NR3C1: variants seen among roughly 807,000 people sequenced by gnomAD.
NR3C1 encodes the protein glucocorticoid receptor.
In NR3C1, 14 loss-of-function variants were observed where a neutral mutation model predicts 74.0. That is an observed-to-expected ratio of 0.19 (90% confidence interval 0.12 to 0.30). The LOEUF is 0.30. NR3C1 is among the 10% of genes least tolerant of loss of function. The pLI is 1.00. For synonymous variants in NR3C1, 308 were observed against 332.5 expected (o/e 0.93, Z 0.80); for missense variants, 695 against 909.8 (o/e 0.76, Z 3.04).
chr5:143,320,109 TG>T (rs1343725551), intron 2 of NR3C1, among the ~76,000 whole-genome samples: 1 of 152,194 alleles, frequency 6.6e-6, no homozygotes, highest in Non-Finnish European at 1.5e-5. Flanking sequence ...ACACACCAGG[TG>T]ATTATATTTT....
At chr5:143,340,476 ATTTTTTTTTTTT>A (rs3074500) in intron 2 of NR3C1, among the ~76,000 whole-genome samples, 1 of 89,146 alleles carries the variant, frequency 1.1e-5, no homozygotes, top group African/African-American at 4.5e-5. Flanking sequence ...TTTAAAGATG[ATTTTTTTTTTTT>A]TTTTTTTTTT....
Position 143,400,518 on chromosome 5 carries a change from C to G in NR3C1, c.322G>C (p.Gly108Arg). 6.2e-7 allele frequency: 1 copy of G among 1,614,184 alleles called. No individual in the cohort carries two copies. Among genetic ancestry groups the G allele is most frequent in the Non-Finnish European group, 8.5e-7 (1 of 1,180,038 alleles). ...MGNDLGFPQQ[G>R]QISLSSGETD... Reference sequence around the variant, plus strand: ...TCCCCCGAGGAAAGGCTGATTTGGCCCTGCTGTGGGAATCCCAGGTCATTT... The same window carrying G: ...TCCCCCGAGGAAAGGCTGATTTGGCGCTGCTGTGGGAATCCCAGGTCATTT... The change falls in exon 2 of 9, where the codon GGC becomes CGC. Residue 108 changes from glycine (G) to arginine (R), a missense_variant. Physicochemically the swap from Gly to Arg is moderately radical, Grantham distance 125 (BLOSUM62 -2). This residue lies in a region of NR3C1 where 497 missense variants were observed against 489.5 expected (regional missense o/e 1.02). Transcript: ENST00000394464.
chr5:143,282,772 CTTTTCTTTTTTTTTTT>C (rs762093282), intron 7 of NR3C1, 47 bp from the exon 8 acceptor site: 68 of 1,453,062 alleles, frequency 4.7e-5, no homozygotes, highest in Non-Finnish European at 5.6e-5. Context: ...TTTTTCTTTT[CTTTTCTTTTTTTTTTT>C]TTTTTGAGAT....
upstream of NR3C1, chr5:143,403,733 C>G: frequency 1.0e-6 from 1 of 985,160 alleles, no homozygotes; most frequent in Non-Finnish European, 1.2e-6. Context: ...ACTCCACCCC[C>G]GGCCGCTCCC....
chr5:143,376,278 T>C (rs949917077), intron 2 of NR3C1, among the ~76,000 whole-genome samples: 10 of 152,212 alleles, frequency 6.6e-5, no homozygotes, highest in South Asian at 2.1e-4. Context: ...ACAAATGCAG[T>C]TGGAACCAAA....
intron 4 of NR3C1, among the ~76,000 whole-genome samples, chr5:143,303,033 T>TAG (rs1003923985): frequency 5.9e-5 from 9 of 152,000 alleles, no homozygotes; most frequent in Admixed American, 5.9e-4. Context: ...GATAGACCAC[T>TAG]AGCAAGATTA....
At chr5:143,368,801 T>C (rs1833744921) in intron 2 of NR3C1, among the ~76,000 whole-genome samples, 1 of 152,084 alleles carries the variant, frequency 6.6e-6, no homozygotes, top group Non-Finnish European at 1.5e-5. Context: ...GTGTAATTTA[T>C]TAAAAAAAAG....
chr5:143,429,706 G>C (rs1035268629), intron 1 of NR3C1, among the ~76,000 whole-genome samples: 5 of 152,146 alleles, frequency 3.3e-5, no homozygotes, highest in African/African-American at 1.2e-4. Context: ...AACAATAAAA[G>C]TTGGAAATGA....
At chr5:143,410,918 G>A (rs1300417407) in intron 1 of NR3C1, among the ~76,000 whole-genome samples, 3 of 152,124 alleles carry the variant, frequency 2.0e-5, no homozygotes, top group African/African-American at 7.2e-5. Flanking sequence ...AGCACTGACT[G>A]TTAAATTTTC....
At chr5:143,299,184 T>G (rs1375661017) in intron 5 of NR3C1, among the ~76,000 whole-genome samples, 1 of 151,904 alleles carries the variant, frequency 6.6e-6, no homozygotes, top group African/African-American at 2.4e-5. Flanking sequence ...CGGCTAATTT[T>G]TGTAATTTTA....
chr5:143,326,263 T>C lies in NR3C1; in HGVS notation c.1185-12095A>G, dbSNP rs974946191. The stretch of plus-strand genomic sequence containing the variant: ...ATCCATTAAGCTTGACAGAGTTTTT[T>C]AAGATTATGTGGGTCACTTAACAGA... On this transcript the variant is annotated intron_variant, in intron 2 of 8. Transcript: ENST00000394464. Among the ~76,000 whole-genome samples the C allele has an allele frequency of 3.3e-5, 5 of 152,352 alleles. No homozygotes were observed. The East Asian group carries it at 9.6e-4, about 29-fold the overall frequency.
intron 2 of NR3C1, among the ~76,000 whole-genome samples, chr5:143,314,813 A>C (rs1433406328): frequency 6.6e-6 from 1 of 152,190 alleles, no homozygotes; most frequent in East Asian, 1.9e-4. Context: ...GACTCAGAGA[A>C]GACTGATCCA....
intron 2 of NR3C1, among the ~76,000 whole-genome samples, chr5:143,393,963 C>A (rs1244424458): frequency 6.6e-6 from 1 of 151,762 alleles, no homozygotes; most frequent in Non-Finnish European, 1.5e-5. Flanking sequence ...TTATTAGTTA[C>A]AAAAATAAAA....
chr5:143,283,030 C>G (rs754747929), intron 7 of NR3C1, among the ~76,000 whole-genome samples: 2 of 152,090 alleles, frequency 1.3e-5, no homozygotes, highest in Non-Finnish European at 2.9e-5. Context: ...AGGACACAAG[C>G]CACTGTGTCT....
intron 2 of NR3C1, among the ~76,000 whole-genome samples, chr5:143,388,605 T>C (rs1191471419): frequency 2.0e-5 from 3 of 152,184 alleles, no homozygotes; most frequent in Non-Finnish European, 4.4e-5. Flanking sequence ...CTGTGAAAGA[T>C]TCTACTATTT....
chr5:143,324,021 C>T (rs1211279137), intron 2 of NR3C1, among the ~76,000 whole-genome samples: 5 of 152,092 alleles, frequency 3.3e-5, no homozygotes, highest in African/African-American at 7.2e-5. Context: ...GCCTACCTCC[C>T]GGCTGCTTTC....
At chr5:143,394,657 T>C (rs1838869218) in intron 2 of NR3C1, among the ~76,000 whole-genome samples, 2 of 152,002 alleles carry the variant, frequency 1.3e-5, no homozygotes, top group Non-Finnish European at 2.9e-5. Flanking sequence ...TTTATCCTTT[T>C]TTGATAATAA....
At chr5:143,396,737 C>T (rs946997888) in intron 2 of NR3C1, among the ~76,000 whole-genome samples, 1 of 151,776 alleles carries the variant, frequency 6.6e-6, no homozygotes, top group Non-Finnish European at 1.5e-5. Context: ...GTTCATCCTA[C>T]ATCATTCATT....
chr5:143,284,417 G>A (rs111804100), intron 7 of NR3C1, among the ~76,000 whole-genome samples: 64 of 152,034 alleles, frequency 4.2e-4, no homozygotes, highest in South Asian at 2.5e-3. Context: ...AATGAAGACC[G>A]CTTAATCAGG....
Sources: allele counts gnomAD v4.1 joint callset (sites outside exome capture counted in the v4.1 genomes callset), GRCh38; gene constraint gnomAD v4.1.1; regional missense constraint gnomAD v4.1.1; transcripts MANE v1.5; gene names NCBI Gene and HGNC (gene_info 2026-07-23, HGNC 2026-07-21).